Variants in DIAPH2 observed in about 807,000 individuals in gnomAD.
DIAPH2 encodes the protein protein diaphanous homolog 2.
In DIAPH2, 35 loss-of-function variants were observed where a neutral mutation model predicts 92.7. The observed-to-expected ratio is 0.38, with a 90% CI of 0.29 to 0.50. The LOEUF (loss-of-function observed/expected upper bound fraction) is 0.50. Among genes scored for constraint, DIAPH2 ranks in the 20% least tolerant of loss-of-function variants. The probability of loss-of-function intolerance (pLI) is 0.94; values close to 1 mark genes in which losing one functional copy is unlikely to be tolerated. For missense variants in DIAPH2, 701 were observed against 819.5 expected, an observed-to-expected ratio of 0.86 and a Z score of 1.77; for synonymous variants, 301 against 280.4, an observed-to-expected ratio of 1.07 and a Z score of -0.73.
At chrX:96,911,029 G>C (rs1322339795) in intron 5 of DIAPH2, among the ~76,000 whole-genome samples, 2 of 111,516 alleles carry the variant, frequency 1.8e-5, no homozygotes, top group Non-Finnish European at 3.8e-5. Context: ...GCTAACATGA[G>C]GAAGTGCAAG....
chrX:97,469,680 C>G (rs764438657), intron 26 of DIAPH2: 1 of 1,199,803 alleles, frequency 8.3e-7, no homozygotes, highest in East Asian at 3.0e-5. Flanking sequence ...CTCTTTATTT[C>G]TTCTTTTCTG....
In DIAPH2 at chrX:96,751,647, G is replaced by GTTT. The variant is rs1332024432; in HGVS notation, c.343-6505_343-6503dup. Among the ~76,000 whole-genome samples the GTTT allele has an allele frequency of 5.5e-3, 464 of 84,967 alleles. 25 individuals carry two copies. Among genetic ancestry groups the GTTT allele is most frequent in the African/African-American group, 0.019 (437 of 22,600 alleles). The allele number at this position is 84,967 out of a possible 115,157, so 73.8% of individuals were successfully genotyped here. A position where few individuals can be genotyped will look rare whatever the true frequency, so the allele number is the denominator to read the frequency against. On this transcript the variant is annotated intron_variant, in intron 3 of 26. Transcript: ENST00000324765. ...TATAAATGGTCAACTAGACTTCAGT[G>GTTT]TTTTGTTTTTTTTTTTTTTTTTTTG... is the stretch of plus-strand genomic sequence containing the variant.
rs1175054877 is a variant in DIAPH2 at position 97,032,040 on chromosome X, TA to T, written c.2051-40898del. ...GGGAAAGTGGTAAGAAATCAGGGCA[TA>T]AAGGGATGAAGTTACCTACTCACTA... On this transcript the variant is annotated intron_variant, in intron 17 of 26. Transcript: ENST00000324765. 3.6e-5 allele frequency among the ~76,000 whole-genome samples: 4 copies of T among 111,675 alleles called. No individual in the cohort carries two copies. The East Asian group carries it at 1.1e-3, about 31-fold the overall frequency.
intron 26 of DIAPH2, among the ~76,000 whole-genome samples, chrX:97,490,577 CTA>C (rs1007358331): frequency 1.4e-4 from 15 of 107,681 alleles, no homozygotes; most frequent in African/African-American, 5.1e-4. Context: ...TGCTTTTGCT[CTA>C]TCTCGTAAGT....
chrX:96,901,613 C>T (rs371898037), intron 5 of DIAPH2, among the ~76,000 whole-genome samples: 6 of 94,992 alleles, frequency 6.3e-5, no homozygotes, highest in Admixed American at 3.6e-4. Flanking sequence ...CTCAGTGCTG[C>T]AACCTCCACC....
chrX:96,768,531 T>C (rs1387920192), intron 4 of DIAPH2, among the ~76,000 whole-genome samples: 1 of 111,890 alleles, frequency 8.9e-6, no homozygotes, highest in Non-Finnish European at 1.9e-5. Flanking sequence ...ACAGACAATA[T>C]GACACATATA....
At chrX:96,689,515 C>T (rs751634405) in intron 1 of DIAPH2, among the ~76,000 whole-genome samples, 34 of 109,316 alleles carry the variant, frequency 3.1e-4, no homozygotes, top group Admixed American at 3.0e-3. Context: ...TTTACCAGCT[C>T]ATCCATTTAC....
chrX:97,106,078 A>G (rs1327704257), intron 20 of DIAPH2, among the ~76,000 whole-genome samples: 1 of 111,354 alleles, frequency 9.0e-6, no homozygotes, highest in African/African-American at 3.3e-5. Context: ...TTTTCCTTCC[A>G]CATATCATCA....
intron 26 of DIAPH2, among the ~76,000 whole-genome samples, chrX:97,478,756 C>A (rs1401651251): frequency 1.8e-5 from 2 of 111,665 alleles, no homozygotes; most frequent in Non-Finnish European, 3.8e-5. Context: ...AATGATGATT[C>A]AATGCCAGTT....
chrX:96,986,932 G>A (rs1221696218), intron 17 of DIAPH2, among the ~76,000 whole-genome samples: 1 of 111,514 alleles, frequency 9.0e-6, no homozygotes, highest in African/African-American at 3.2e-5. Flanking sequence ...TTTTCTAGAG[G>A]TATTTAATGC....
At chrX:96,954,382 A>G (rs1569434441) in intron 15 of DIAPH2, among the ~76,000 whole-genome samples, 1 of 112,523 alleles carries the variant, frequency 8.9e-6, no homozygotes, top group East Asian at 2.8e-4. Context: ...GGAAATGGAT[A>G]TAGATTAATC....
intron 3 of DIAPH2, among the ~76,000 whole-genome samples, chrX:96,752,060 A>G (rs1194031076): frequency 8.9e-6 from 1 of 112,118 alleles, no homozygotes; most frequent in Non-Finnish European, 1.9e-5. Flanking sequence ...GAATACCATA[A>G]GAAATCAGTA....
rs759907294 is a variant in DIAPH2, at chrX:96,914,124, A to ATATAT, written c.732+1577_732+1581dup. On this transcript the variant is annotated intron_variant, in intron 7 of 26. Coordinates refer to ENST00000324765, the MANE Select transcript of DIAPH2 (RefSeq NM_006729.5). ...CATATGGAAATACATATAAGTATTT[A>ATATAT]TATATTATACATACATGTATCAGCA... Among the ~76,000 whole-genome samples the ATATAT allele has an allele frequency of 1.8e-3, 202 of 111,172 alleles. 3 individuals are homozygous for ATATAT. In the East Asian group the frequency reaches 0.049, roughly 27 times the overall value.
chrX:97,005,440 C>T (rs1482488791), intron 17 of DIAPH2, among the ~76,000 whole-genome samples: 3 of 109,794 alleles, frequency 2.7e-5, no homozygotes, highest in Non-Finnish European at 5.7e-5. Context: ...TACTAGGAGA[C>T]GTTTTATTTT....
At chrX:97,417,197 T>C (rs2069956091) in intron 25 of DIAPH2, among the ~76,000 whole-genome samples, 1 of 111,833 alleles carries the variant, frequency 8.9e-6, no homozygotes, top group South Asian at 3.7e-4. Flanking sequence ...ATAAACTAGA[T>C]ATTAACAGTT....
chrX:96,906,267 T>C (rs1244081290), intron 5 of DIAPH2, among the ~76,000 whole-genome samples: 2 of 112,869 alleles, frequency 1.8e-5, no homozygotes, highest in African/African-American at 6.4e-5. Flanking sequence ...GCCCCAGTCT[T>C]ATTTTTAAAC....
chrX:96,769,528 C>A (rs1222629732), intron 4 of DIAPH2, among the ~76,000 whole-genome samples: 1 of 111,651 alleles, frequency 9.0e-6, no homozygotes, highest in Non-Finnish European at 1.9e-5. Context: ...AAAGCTGAAG[C>A]CTGAATATCT....
chrX:97,441,643 C>G (rs2070259513), intron 26 of DIAPH2, among the ~76,000 whole-genome samples: 1 of 110,754 alleles, frequency 9.0e-6, no homozygotes, highest in South Asian at 3.8e-4. Flanking sequence ...TGGTGAAACC[C>G]TGTCTCTACT....
chrX:96,744,774 T>C (rs994379106), intron 3 of DIAPH2, among the ~76,000 whole-genome samples: 1 of 111,989 alleles, frequency 8.9e-6, no homozygotes, highest in Non-Finnish European at 1.9e-5. Flanking sequence ...AATTTATCTT[T>C]TTTTATTTCA....
Sources: allele counts gnomAD v4.1 joint callset (sites outside exome capture counted in the v4.1 genomes callset), GRCh38; gene constraint gnomAD v4.1.1; transcripts MANE v1.5; gene names NCBI Gene and HGNC (gene_info 2026-07-23, HGNC 2026-07-21).